Variants in GPR55 observed in about 807,000 individuals in gnomAD.
GPR55 encodes G protein-coupled receptor 55.
GPR55 carries 6 observed loss-of-function variants against 7.9 expected under a neutral mutation model. That is an observed-to-expected ratio of 0.76 (90% confidence interval 0.41 to 1.49). The LOEUF is 1.49. Among genes scored for constraint, GPR55 ranks in the 40% most tolerant of loss-of-function variants. The pLI is 0.01. For missense variants in GPR55, 376 were observed against 406.0 expected (o/e 0.93, Z 0.63); for synonymous variants, 183 against 166.8 (o/e 1.10, Z -0.75).
Position 230,909,805 on chromosome 2 carries a change from G to T in GPR55, c.*198C>A. On this transcript the variant is annotated 3_prime_UTR_variant, in exon 2 of 2. Coordinates refer to ENST00000650999, the MANE Select transcript of GPR55 (RefSeq NM_005683.4). ...GTTCTTCAGAGATCCCTGAACACTG[G>T]GTGGTATAAGCTGTCTGGGCAGTGG... is the stretch of plus-strand genomic sequence containing the variant. 1.7e-6 allele frequency: 1 copy of T among 588,264 alleles called. No homozygotes were observed. The highest frequency in any genetic ancestry group is 3.0e-6 in the Non-Finnish European group (1 of 332,720). 36.4% of individuals were successfully genotyped at this position (588,264 alleles called of 1,614,324 possible). A position where few individuals can be genotyped will look rare whatever the true frequency, so the allele number is the denominator to read the frequency against.
At chr2:230,935,704 G>A (rs745545626) in intron 1 of GPR55, among the ~76,000 whole-genome samples, 23 of 152,180 alleles carry the variant, frequency 1.5e-4, no homozygotes, top group Non-Finnish European at 2.8e-4. Context: ...CGGAGGGTAC[G>A]GAATACCGAC....
At chr2:230,927,429 GC>G (rs2125059903), upstream of GPR55, among the ~76,000 whole-genome samples, 1 of 152,356 alleles carries the variant, frequency 6.6e-6, no homozygotes, top group South Asian at 2.1e-4. Context: ...CTCGCCCAAG[GC>G]CCCGTCCTAA....
At chr2:230,926,566 G>C (rs1559174129), upstream of GPR55, among the ~76,000 whole-genome samples, 1 of 152,140 alleles carries the variant, frequency 6.6e-6, no homozygotes, top group Non-Finnish European at 1.5e-5. Flanking sequence ...TCCATACCCA[G>C]AGCCTGCAAT....
intron 1 of GPR55, among the ~76,000 whole-genome samples, chr2:230,943,019 A>AGAGAAGAGGAGAGAAGAGAC (rs1416840941): frequency 1.1e-4 from 17 of 149,100 alleles, no homozygotes; most frequent in African/African-American, 4.1e-4. Flanking sequence ...AGAGAAGAGA[A>AGAGAAGAGGAGAGAAGAGAC]GAGAAGAGGA....
rs553241076 is a variant in GPR55, at chr2:230,949,715, T to C, written c.-135+11060A>G. Among the ~76,000 whole-genome samples, 11 of 152,314 alleles carry C rather than the reference T, an allele frequency of 7.2e-5. 1 individual carries two copies. The South Asian group carries it at 2.3e-3, about 32-fold the overall frequency. Reference sequence around the variant, plus strand: ...GTGTACAGTGGAGTTTTCTGGAGGCTGTATGCTGTGTGATACCACAATAGA... The same window carrying C: ...GTGTACAGTGGAGTTTTCTGGAGGCCGTATGCTGTGTGATACCACAATAGA... On this transcript the variant is annotated intron_variant, in intron 1 of 1. Transcript: ENST00000392039.
At chr2:230,952,784 G>A (rs9973616) in intron 1 of GPR55, among the ~76,000 whole-genome samples, 1 of 152,288 alleles carries the variant, frequency 6.6e-6, no homozygotes, top group African/African-American at 2.4e-5. Context: ...CAGCCTCTTG[G>A]AGGCAGGCTT....
intron 1 of GPR55, among the ~76,000 whole-genome samples, chr2:230,954,250 T>C (rs1344847154): frequency 6.6e-6 from 1 of 152,214 alleles, no homozygotes; most frequent in Non-Finnish European, 1.5e-5. Context: ...ACAGTGTAGA[T>C]GGCACTGCCA....
chr2:230,929,122 G>C (rs938928185), upstream of GPR55, among the ~76,000 whole-genome samples: 1 of 152,094 alleles, frequency 6.6e-6, no homozygotes, highest in Non-Finnish European at 1.5e-5. Flanking sequence ...CAAAGTGCTG[G>C]GATTACTGGT....
At chr2:230,938,462 C>T (rs758068454) in intron 1 of GPR55, among the ~76,000 whole-genome samples, 4 of 151,324 alleles carry the variant, frequency 2.6e-5, no homozygotes, top group African/African-American at 9.7e-5. Context: ...GGTCTTTTAC[C>T]GTGTTTTTCT....
intron 1 of GPR55, among the ~76,000 whole-genome samples, chr2:230,933,658 A>G (rs1274735429): frequency 6.6e-6 from 1 of 152,082 alleles, no homozygotes. Context: ...GACTCAGGGG[A>G]CTCAGGGCCT....
chr2:230,950,671 C>A (rs1013499063), intron 1 of GPR55, among the ~76,000 whole-genome samples: 3 of 152,136 alleles, frequency 2.0e-5, no homozygotes, highest in Non-Finnish European at 2.9e-5. Flanking sequence ...GGCTTTTGTC[C>A]ACAGTTTCTG....
intron 1 of GPR55, among the ~76,000 whole-genome samples, chr2:230,949,768 T>A (rs549977311): frequency 6.6e-6 from 1 of 152,280 alleles, no homozygotes; most frequent in African/African-American, 2.4e-5. Context: ...AGGCCAACCA[T>A]CTTTCATAAA....
At chr2:230,913,289 T>A (rs1447162603) in intron 1 of GPR55, among the ~76,000 whole-genome samples, 2 of 152,192 alleles carry the variant, frequency 1.3e-5, no homozygotes, top group Non-Finnish European at 2.9e-5. Context: ...TTCTCATCAC[T>A]ATTGGGCGCC....
intron 1 of GPR55, among the ~76,000 whole-genome samples, chr2:230,934,554 G>A (rs755443854): frequency 2.0e-5 from 3 of 152,234 alleles, no homozygotes; most frequent in Non-Finnish European, 2.9e-5. Flanking sequence ...CAAGTGCTTA[G>A]CAAAATGCTT....
chr2:230,955,651 G>A (rs1691471313), intron 1 of GPR55, among the ~76,000 whole-genome samples: 1 of 152,206 alleles, frequency 6.6e-6, no homozygotes, highest in African/African-American at 2.4e-5. Flanking sequence ...CACTTAAATG[G>A]TAGACCATAA....
chr2:230,957,734 C>A (rs529489007), intron 1 of GPR55: 57 of 546,512 alleles, frequency 1.0e-4, no homozygotes, highest in African/African-American at 1.0e-3. Flanking sequence ...TGGCTTTGGA[C>A]TTTTTTTTTG....
Position 230,944,626 on chromosome 2 carries a change from G to A in GPR55, c.-135+16149C>T, listed in dbSNP as rs1691283845. On this transcript the variant is annotated intron_variant, in intron 1 of 1. Transcript: ENST00000392039. This position sits in a 1 kb window ranked among gnomAD's most constrained non-coding sequence, Gnocchi z 4.2. ...TACAGCATGATTTGCTTTAACTGAA[G>A]GTGAAGAGAATCTTTCAGGAGTGGA... 6.6e-6 allele frequency among the ~76,000 whole-genome samples: 1 copy of A among 152,186 alleles called. No homozygotes were observed. The highest frequency in any genetic ancestry group is 1.5e-5 in the Non-Finnish European group (1 of 68,038).
Position 230,930,680 on chromosome 2 carries a change from G to C in GPR55, c.-134-19584C>G, listed in dbSNP as rs552892281. On this transcript the variant is annotated intron_variant, in intron 1 of 1. Transcript: ENST00000392039. ...AGGTTTTGCCATGTTTCCCAGGCTG[G>C]TCTCCAAGTCCTGAGCTCAAGCAAT... 9.2e-5 allele frequency among the ~76,000 whole-genome samples: 14 copies of C among 151,986 alleles called. No individual in the cohort carries two copies. The South Asian group carries it at 2.9e-3, about 32-fold the overall frequency.
At position 230,915,477 on chromosome 2, in the gene GPR55, G is replaced by A. The variant is rs1408371328; in HGVS notation, c.-134-4381C>T. ...AAGGAAGTAGCATTGAGTGGGCAAA[G>A]GTCATGGGTCAAGCAAATAGCATCT... is the stretch of plus-strand genomic sequence containing the variant. On this transcript the variant is annotated intron_variant, in intron 1 of 1. Coordinates refer to ENST00000650999, the MANE Select transcript of GPR55 (RefSeq NM_005683.4). Among the ~76,000 whole-genome samples the A allele has an allele frequency of 2.0e-5, 3 of 152,358 alleles. No individual in the cohort carries two copies. In the East Asian group the frequency reaches 5.8e-4, roughly 29 times the overall value.
Sources: allele counts gnomAD v4.1 joint callset (sites outside exome capture counted in the v4.1 genomes callset), GRCh38; gene constraint gnomAD v4.1.1; non-coding constraint Gnocchi (gnomAD v3.1); transcripts MANE v1.5; gene names NCBI Gene and HGNC (gene_info 2026-07-23, HGNC 2026-07-21).